The following RET variants were observed in gnomAD, a reference collection of about 807,000 sequenced individuals.
RET encodes the protein ret proto-oncogene.
In RET, 19 loss-of-function variants were observed where a neutral mutation model predicts 118.3. The ratio of observed to expected loss-of-function variants is 0.16; its 90% CI spans 0.11 to 0.24. The LOEUF (loss-of-function observed/expected upper bound fraction) is 0.24, where lower values mean the gene tolerates loss of function less well. Ranked by LOEUF, RET falls within the 10% of genes least tolerant of loss-of-function variation. The probability of loss-of-function intolerance (pLI) is 1.00; values close to 1 mark genes in which losing one functional copy is unlikely to be tolerated. For missense variants in RET, 1,219 were observed against 1,502.1 expected, an observed-to-expected ratio of 0.81 and a Z score of 3.12; for synonymous variants, 597 against 644.1, an observed-to-expected ratio of 0.93 and a Z score of 1.11.
chr10:43,125,481 A>G (rs1047536732), intron 18 of RET, among the ~76,000 whole-genome samples: 2 of 152,198 alleles, frequency 1.3e-5, no homozygotes, highest in African/African-American at 4.8e-5. Flanking sequence ...TCTGAATTTT[A>G]TGAGGTTTAT....
intron 1 of RET, among the ~76,000 whole-genome samples, chr10:43,086,868 C>CAGAGCAG (rs1182629653): frequency 6.6e-6 from 1 of 152,218 alleles, no homozygotes; most frequent in Non-Finnish European, 1.5e-5. Flanking sequence ...CTGGGCCCCT[C>CAGAGCAG]AGAGCAGAAG....
intron 6 of RET, among the ~76,000 whole-genome samples, chr10:43,110,038 C>T (rs144390292): frequency 2.0e-5 from 3 of 152,334 alleles, no homozygotes; most frequent in African/African-American, 7.2e-5. Flanking sequence ...CTCCTGGCAG[C>T]CACCCGTGTC....
chr10:43,085,066 G>A (rs1038796937), intron 1 of RET, among the ~76,000 whole-genome samples: 1 of 152,238 alleles, frequency 6.6e-6, no homozygotes, highest in Non-Finnish European at 1.5e-5. Flanking sequence ...CAGGACAGCG[G>A]TGGATGCACC....
chr10:43,091,645 C>A lies in RET; in HGVS notation c.74-8814C>A, dbSNP rs1189231202. On this transcript the variant is annotated intron_variant, in intron 1 of 19. Transcript: ENST00000355710. ...GACTCCATACAAAAAAAAAAAAAAA[C>A]CCAACAACAACAACAAAAAAAATGA... Among the ~76,000 whole-genome samples, 95 of 144,870 alleles carry A rather than the reference C, an allele frequency of 6.6e-4. No individual in the cohort carries two copies. The East Asian group carries it at 0.016, about 24-fold the overall frequency.
rs1343990457 is a variant in RET at position 43,114,517 on chromosome 10, A to G, written c.1917A>G (p.Ala639=). 6.2e-7 allele frequency: 1 copy of G among 1,608,438 alleles called. No homozygotes were observed. The highest frequency in any genetic ancestry group is 8.5e-7 in the Non-Finnish European group (1 of 1,179,812). The change falls in exon 11 of 20, where the codon GCA becomes GCG. Residue 639 remains alanine (A), a synonymous_variant. Coordinates refer to ENST00000355710, the MANE Select transcript of RET (RefSeq NM_020975.6). The surrounding 1 kb of genome is among the most constrained non-coding windows in gnomAD (Gnocchi z 4.6). ...ACGAGCTGTGCCGCACGGTGATCGCAGCCGCTGTCCTCTTCTCCTTCATCG... is the reference window on the plus strand; with the variant it reads ...ACGAGCTGTGCCGCACGGTGATCGCGGCCGCTGTCCTCTTCTCCTTCATCG... ...LCDELCRTVI[A]AAVLFSFIVS...
In RET at chr10:43,128,844, C is replaced by A; in HGVS notation, c.*575C>A. The A allele has an allele frequency of 8.4e-6, 2 of 237,572 alleles. No homozygotes were observed. Among genetic ancestry groups the A allele is most frequent in the Non-Finnish European group, 1.7e-5 (2 of 120,692 alleles). 14.7% of individuals were successfully genotyped at this position (237,572 alleles called of 1,614,324 possible). A position where few individuals can be genotyped will look rare whatever the true frequency, so the allele number is the denominator to read the frequency against. On this transcript the variant is annotated 3_prime_UTR_variant, in exon 20 of 20. Coordinates refer to ENST00000355710, the MANE Select transcript of RET (RefSeq NM_020975.6). ...CGAGGATGGGCCTGGGCTCAGCATT[C>A]GAGATCTTGAGAATGATTTTTTTTA...
chr10:43,108,223 C>T (rs1288100094), intron 5 of RET, among the ~76,000 whole-genome samples: 2 of 150,634 alleles, frequency 1.3e-5, no homozygotes, highest in African/African-American at 4.9e-5. Context: ...GGCGTGGTGG[C>T]ACATGCCTGG....
chr10:43,126,921 GT>G (rs1461796337), intron 19 of RET, 199 bp downstream of exon 19: 3 of 1,435,114 alleles, frequency 2.1e-6, no homozygotes, highest in East Asian at 5.0e-5. Context: ...CTAAAAGGAT[GT>G]GAAAATAAGT....
rs1176758866 is a variant in RET, at chr10:43,114,341, C to T, written c.1880-139C>T. On this transcript the variant is annotated intron_variant, in intron 10 of 19. Coordinates refer to ENST00000355710, the MANE Select transcript of RET (RefSeq NM_020975.6). This position sits in a 1 kb window ranked among gnomAD's most constrained non-coding sequence, Gnocchi z 4.6. The stretch of plus-strand genomic sequence containing the variant: ...CATGCTCGATGGGGTGTTCTCAGGC[C>T]TTCCCACACCTCCATGGCCACTTCC... 8.5e-7 allele frequency: 1 copy of T among 1,180,204 alleles called. No homozygotes were observed. The highest frequency in any genetic ancestry group is 1.2e-6 in the Non-Finnish European group (1 of 823,998). 73.1% of individuals were successfully genotyped at this position (1,180,204 alleles called of 1,614,324 possible). A position where few individuals can be genotyped will look rare whatever the true frequency, so the allele number is the denominator to read the frequency against.
chr10:43,087,938 GGTA>G (rs773614714), intron 1 of RET, among the ~76,000 whole-genome samples: 1 of 152,198 alleles, frequency 6.6e-6, no homozygotes, highest in Non-Finnish European at 1.5e-5. Flanking sequence ...TGTTGGTGTT[GGTA>G]GTGGTGGTAT....
chr10:43,100,571 G>A lies in RET; in HGVS notation c.186G>A (p.Glu62=), dbSNP rs1588862529. ...ATGCCCTGCGGGACGCCCCTGAGGA[G>A]GTGCCCAGCTTCCGCCTGGGCCAGC... The part of the protein sequence containing the change: ...YVHALRDAPE[E]VPSFRLGQHL... The change falls in exon 2 of 20, where the codon GAG becomes GAA. Residue 62 remains glutamate, a synonymous_variant. Coordinates refer to ENST00000355710, the MANE Select transcript of RET (RefSeq NM_020975.6). 4 of 1,613,938 alleles carry A rather than the reference G, an allele frequency of 2.5e-6. 1 individual carries two copies. In the South Asian group the frequency reaches 3.3e-5, roughly 13 times the overall value.
intron 1 of RET, among the ~76,000 whole-genome samples, chr10:43,093,444 G>C (rs1252209742): frequency 6.6e-6 from 1 of 152,170 alleles, no homozygotes; most frequent in African/African-American, 2.4e-5. Flanking sequence ...TTGGGGTGAG[G>C]AGGGGCCAAA....
chr10:43,092,137 A>G (rs1270382846), intron 1 of RET, among the ~76,000 whole-genome samples: 2 of 152,268 alleles, frequency 1.3e-5, no homozygotes, highest in African/African-American at 4.8e-5. Flanking sequence ...CAGACATACA[A>G]TGGAATATTA....
intron 1 of RET, among the ~76,000 whole-genome samples, chr10:43,096,516 G>C (rs548331624): frequency 3.9e-5 from 6 of 152,316 alleles, no homozygotes; most frequent in East Asian, 1.9e-4. Context: ...AGTCTGCAGT[G>C]AGAGCCTCAT....
At chr10:43,097,277 C>T (rs890302177) in intron 1 of RET, among the ~76,000 whole-genome samples, 10 of 152,184 alleles carry the variant, frequency 6.6e-5, no homozygotes, top group Admixed American at 3.3e-4. Flanking sequence ...TCTGCTCCTG[C>T]GACAGATGGG....
chr10:43,082,313 G>A (rs1276653854), intron 1 of RET, among the ~76,000 whole-genome samples: 2 of 152,224 alleles, frequency 1.3e-5, no homozygotes, highest in Non-Finnish European at 2.9e-5. Context: ...CCTGGAGGGA[G>A]CAGGTGGCCA....
At position 43,108,999 on chromosome 10, in the gene RET, C is replaced by A. The variant is rs755854073; in HGVS notation, c.1064-32C>A. The A allele has an allele frequency of 4.7e-5, 75 of 1,604,346 alleles. No homozygotes were observed. The East Asian group carries it at 1.6e-3, about 35-fold the overall frequency. ...ACACATGAGGAAGCAGCCAGAGCAG[C>A]TTGGTGGTCATTGTTGTGCCCCTAC... On this transcript the variant is annotated intron_variant, in intron 5 of 19. Coordinates refer to ENST00000355710, the MANE Select transcript of RET (RefSeq NM_020975.6).
rs2132682046 is a variant in RET, at chr10:43,102,496, G to A, written c.492G>A (p.Glu164=). The A allele has an allele frequency of 6.2e-7, 1 of 1,614,212 alleles. No individual in the cohort carries two copies. The highest frequency in any genetic ancestry group is 8.5e-7 in the Non-Finnish European group (1 of 1,180,042). The change falls in exon 3 of 20, where the codon GAG becomes GAA. Residue 164 remains glutamate, a synonymous_variant. Coordinates refer to ENST00000355710, the MANE Select transcript of RET (RefSeq NM_020975.6). ...FPACSSLKPR[E]LCFPETRPSF... ...CCTGCAGCTCCCTCAAGCCCCGGGA[G>A]CTCTGCTTCCCAGAGACAAGGCCCT...
At chr10:43,122,902 G>T (rs143549111) in intron 16 of RET, among the ~76,000 whole-genome samples, 12 of 152,298 alleles carry the variant, frequency 7.9e-5, no homozygotes, top group African/African-American at 2.6e-4. Context: ...GAGCCACCAC[G>T]CCTGGCCAAC....
Sources: gnomAD v4.1 joint callset for allele counts (sites outside exome capture counted in the v4.1 genomes callset) on GRCh38, gnomAD v4.1.1 for gene constraint, Gnocchi (gnomAD v3.1) non-coding constraint, MANE v1.5 for transcripts, NCBI Gene and HGNC (gene_info 2026-07-23, HGNC 2026-07-21) for gene names.